The following NRG3 variants were observed in gnomAD, a reference collection of about 807,000 sequenced individuals.
NRG3 encodes the protein pro-neuregulin-3, membrane-bound isoform.
Under a neutral mutation model 66.9 loss-of-function variants are expected in NRG3, and 31 were observed. The ratio of observed to expected loss-of-function variants is 0.46; its 90% CI spans 0.35 to 0.63. The LOEUF (loss-of-function observed/expected upper bound fraction) is 0.63, where lower values mean the gene tolerates loss of function less well. Among genes scored for constraint, NRG3 ranks in the 20% least tolerant of loss-of-function variants. The pLI, the probability that NRG3 is intolerant of heterozygous loss-of-function variation, is 0.00. For synonymous variants in NRG3, 393 were observed against 359.4 expected (o/e 1.09, Z -1.06); for missense variants, 910 against 878.9 (o/e 1.04, Z -0.45).
Position 82,285,096 on chromosome 10 carries a change from T to A in NRG3, c.824-73643T>A, listed in dbSNP as rs183369919. Among the ~76,000 whole-genome samples, 1,045 of 152,304 alleles carry A rather than the reference T, an allele frequency of 6.9e-3. 12 individuals carry two copies. The highest frequency in any genetic ancestry group is 0.02 in the African/African-American group (838 of 41,572). On this transcript the variant is annotated intron_variant, in intron 1 of 8. Coordinates refer to ENST00000372141, the MANE Select transcript of NRG3 (RefSeq NM_001010848.4). ...CTGTTCAGAAAAGGAGTTAGGGCAG[T>A]TGTCTCCTTCCACTAGGCCTTGAAT... is the stretch of plus-strand genomic sequence containing the variant.
chr10:82,681,678 A>G (rs1232268944), intron 2 of NRG3, among the ~76,000 whole-genome samples: 1 of 152,212 alleles, frequency 6.6e-6, no homozygotes, highest in Non-Finnish European at 1.5e-5. Context: ...TTTTGGTTTC[A>G]TTGCTATTTA....
At chr10:82,339,471 G>A (rs934175028) in intron 1 of NRG3, among the ~76,000 whole-genome samples, 5 of 152,094 alleles carry the variant, frequency 3.3e-5, no homozygotes, top group Non-Finnish European at 7.4e-5. Context: ...ATCAGATCTT[G>A]TGAGAACTCA....
intron 1 of NRG3, among the ~76,000 whole-genome samples, chr10:81,975,681 A>T (rs1489087974): frequency 6.6e-6 from 1 of 152,154 alleles, no homozygotes; most frequent in Non-Finnish European, 1.5e-5. Flanking sequence ...TTGCAGAGAG[A>T]ATCATGGCCT....
chr10:81,924,085 T>C (rs1300709475), intron 1 of NRG3, among the ~76,000 whole-genome samples: 2 of 152,078 alleles, frequency 1.3e-5, no homozygotes, highest in Non-Finnish European at 2.9e-5. Context: ...GTGGGATTAG[T>C]AGAGAGAAGT....
intron 2 of NRG3, among the ~76,000 whole-genome samples, chr10:82,674,842 A>G (rs1442028619): frequency 6.6e-6 from 1 of 151,872 alleles, no homozygotes; most frequent in Non-Finnish European, 1.5e-5. Flanking sequence ...ATAATTGCAG[A>G]AAAGAAAGAG....
intron 2 of NRG3, among the ~76,000 whole-genome samples, chr10:82,675,378 A>G (rs1477737895): frequency 6.6e-6 from 1 of 152,134 alleles, no homozygotes; most frequent in Admixed American, 6.5e-5. Flanking sequence ...TGTGTGCTGA[A>G]TAGTTTCTGG....
At chr10:82,264,973 C>G (rs1422947535) in intron 1 of NRG3, among the ~76,000 whole-genome samples, 1 of 152,148 alleles carries the variant, frequency 6.6e-6, no homozygotes, top group Non-Finnish European at 1.5e-5. Flanking sequence ...TATTCTGCTA[C>G]AGATGAAGTG....
At chr10:82,645,375 G>T (rs538639747) in intron 2 of NRG3, among the ~76,000 whole-genome samples, 1 of 152,250 alleles carries the variant, frequency 6.6e-6, no homozygotes, top group South Asian at 2.1e-4. Context: ...GGAATGCCTT[G>T]TGACAGTCAC....
chr10:82,866,693 G>A (rs878952628), intron 4 of NRG3, among the ~76,000 whole-genome samples: 2 of 152,142 alleles, frequency 1.3e-5, no homozygotes, highest in Non-Finnish European at 2.9e-5. Context: ...AAGAATGACC[G>A]TTTCAATGAA....
intron 2 of NRG3, among the ~76,000 whole-genome samples, chr10:82,592,617 C>A (rs576774553): frequency 6.6e-6 from 1 of 152,276 alleles, no homozygotes; most frequent in Non-Finnish European, 1.5e-5. Flanking sequence ...AAGATCATTT[C>A]CCCTGCTGAC....
At chr10:82,053,633 A>C (rs542923143) in intron 1 of NRG3, among the ~76,000 whole-genome samples, 1 of 152,352 alleles carries the variant, frequency 6.6e-6, no homozygotes, top group African/African-American at 2.4e-5. Flanking sequence ...ATGGACAAAC[A>C]GGTGAATAAA....
chr10:82,016,687 A>G (rs3903436), intron 1 of NRG3, among the ~76,000 whole-genome samples: 80,367 of 151,442 alleles, frequency 0.53, 21,388 homozygotes, highest in Admixed American at 0.63. Flanking sequence ...TTAAGTGAAA[A>G]GTAATGAGGT....
intron 2 of NRG3, among the ~76,000 whole-genome samples, chr10:82,479,220 A>T (rs1013559569): frequency 1.3e-5 from 2 of 152,130 alleles, no homozygotes; most frequent in African/African-American, 2.4e-5. Flanking sequence ...TAAATAATTG[A>T]TCCTCAATTT....
chr10:82,403,064 T>TACA (rs1379756007), intron 2 of NRG3, among the ~76,000 whole-genome samples: 6 of 152,268 alleles, frequency 3.9e-5, no homozygotes, highest in African/African-American at 1.4e-4. Flanking sequence ...ATGAGTAATG[T>TACA]ACAACCACAG....
chr10:82,759,116 T>C (rs868739288), intron 3 of NRG3, among the ~76,000 whole-genome samples: 2 of 152,166 alleles, frequency 1.3e-5, no homozygotes, highest in Middle Eastern at 3.4e-3. Flanking sequence ...CTCTTACAAG[T>C]AAGTTCTCCA....
chr10:82,345,636 T>G (rs1031733759), intron 1 of NRG3, among the ~76,000 whole-genome samples: 5 of 151,630 alleles, frequency 3.3e-5, no homozygotes, highest in East Asian at 2.0e-4. Flanking sequence ...TGGCATTGAA[T>G]CTATAAATTA....
At chr10:82,750,466 A>G (rs1224959046) in intron 3 of NRG3, among the ~76,000 whole-genome samples, 2 of 152,148 alleles carry the variant, frequency 1.3e-5, no homozygotes, top group Non-Finnish European at 2.9e-5. Context: ...TACATTGTTG[A>G]CAGTAGTCAG....
At chr10:82,612,542 G>A (rs1002360144) in intron 2 of NRG3, among the ~76,000 whole-genome samples, 1 of 152,138 alleles carries the variant, frequency 6.6e-6, no homozygotes, top group African/African-American at 2.4e-5. Context: ...GCATTAATGT[G>A]CAAGGAAGAA....
At chr10:82,888,557 T>C (rs1428287318) in intron 4 of NRG3, among the ~76,000 whole-genome samples, 1 of 152,156 alleles carries the variant, frequency 6.6e-6, no homozygotes. Context: ...TGGGAAATGC[T>C]TATTCATTTA....
Sources: allele counts gnomAD v4.1 joint callset (sites outside exome capture counted in the v4.1 genomes callset), GRCh38; gene constraint gnomAD v4.1.1; transcripts MANE v1.5; gene names NCBI Gene and HGNC (gene_info 2026-07-23, HGNC 2026-07-21).